Variants in EYA4 observed in about 807,000 individuals in gnomAD.
EYA4 encodes protein phosphatase EYA4.
Under a neutral mutation model 87.9 loss-of-function variants are expected in EYA4, and 31 were observed. That is an observed-to-expected ratio of 0.35 (90% CI 0.27 to 0.48). The LOEUF (loss-of-function observed/expected upper bound fraction) is 0.48. EYA4 is among the 20% of genes least tolerant of loss of function. The probability of loss-of-function intolerance (pLI) is 0.99; values close to 1 mark genes in which losing one functional copy is unlikely to be tolerated. For synonymous variants in EYA4, 263 were observed against 270.6 expected (o/e 0.97, Z 0.28); for missense variants, 678 against 761.4 (o/e 0.89, Z 1.29).
intron 2 of EYA4, among the ~76,000 whole-genome samples, chr6:133,283,342 A>G (rs2128284826): frequency 6.6e-6 from 1 of 152,230 alleles, no homozygotes; most frequent in Non-Finnish European, 1.5e-5. Context: ...AATTTTTATG[A>G]TAGAAATATA....
chr6:133,261,642 G>T (rs1370979611), intron 1 of EYA4, among the ~76,000 whole-genome samples: 1 of 152,144 alleles, frequency 6.6e-6, no homozygotes, highest in Non-Finnish European at 1.5e-5. Context: ...AATATAATTG[G>T]TTAATGTAGC....
chr6:133,269,712 A>G (rs1776530566), intron 1 of EYA4, among the ~76,000 whole-genome samples: 1 of 152,234 alleles, frequency 6.6e-6, no homozygotes, highest in African/African-American at 2.4e-5. Context: ...AAAACTGAGC[A>G]AAACATCTAC....
intron 3 of EYA4, among the ~76,000 whole-genome samples, chr6:133,416,962 C>T (rs1339180615): frequency 2.0e-5 from 3 of 152,190 alleles, no homozygotes; most frequent in African/African-American, 7.2e-5. Flanking sequence ...GTATGCCGAA[C>T]ACCTACTGCC....
At chr6:133,388,012 C>G (rs767486560) in intron 3 of EYA4, among the ~76,000 whole-genome samples, 2 of 152,122 alleles carry the variant, frequency 1.3e-5, no homozygotes, top group Non-Finnish European at 2.9e-5. Flanking sequence ...GATAGCTGAC[C>G]TATCTTGATC....
intron 13 of EYA4, among the ~76,000 whole-genome samples, chr6:133,500,760 A>C (rs149788830): frequency 6.6e-6 from 1 of 151,138 alleles, no homozygotes; most frequent in Non-Finnish European, 1.5e-5. Flanking sequence ...CCAGTTTCTC[A>C]CTCTCCTAGA....
chr6:133,490,593 T>C (rs1032897610), intron 13 of EYA4, among the ~76,000 whole-genome samples: 2 of 151,570 alleles, frequency 1.3e-5, no homozygotes, highest in African/African-American at 4.8e-5. Context: ...AAAAAAACTA[T>C]AAAAATTAGA....
intron 3 of EYA4, among the ~76,000 whole-genome samples, chr6:133,411,107 A>C (rs1789191393): frequency 6.6e-6 from 1 of 152,150 alleles, no homozygotes; most frequent in South Asian, 2.1e-4. Flanking sequence ...CAAGCAACAA[A>C]CGGTTTAACA....
At chr6:133,494,233 A>G (rs756919323) in intron 13 of EYA4, among the ~76,000 whole-genome samples, 7 of 152,240 alleles carry the variant, frequency 4.6e-5, no homozygotes, top group Non-Finnish European at 8.8e-5. Context: ...GTGGAGTACT[A>G]TTCAGCCATA....
At chr6:133,480,176 A>ATGTT (rs1454554269) in intron 11 of EYA4, among the ~76,000 whole-genome samples, 1 of 152,188 alleles carries the variant, frequency 6.6e-6, no homozygotes, top group Non-Finnish European at 1.5e-5. Context: ...ACAGGAGTCC[A>ATGTT]TGTTTTCTAG....
intron 2 of EYA4, among the ~76,000 whole-genome samples, chr6:133,351,625 C>T (rs904460066): frequency 6.6e-6 from 1 of 152,190 alleles, no homozygotes; most frequent in Non-Finnish European, 1.5e-5. Flanking sequence ...TCCCTTCTTT[C>T]CTGGATTACA....
intron 2 of EYA4, among the ~76,000 whole-genome samples, chr6:133,314,919 G>C (rs1449583447): frequency 6.6e-6 from 1 of 152,114 alleles, no homozygotes; most frequent in Admixed American, 6.6e-5. Context: ...CCAAACTCAG[G>C]AGCCACCTTG....
intron 13 of EYA4, among the ~76,000 whole-genome samples, chr6:133,497,753 G>A (rs1220473450): frequency 2.0e-5 from 3 of 152,160 alleles, no homozygotes; most frequent in Non-Finnish European, 4.4e-5. Context: ...TTGTGCTTTA[G>A]GGATTTGGTT....
At chr6:133,480,867 A>G (rs991385890) in intron 11 of EYA4, among the ~76,000 whole-genome samples, 4 of 152,180 alleles carry the variant, frequency 2.6e-5, no homozygotes, top group Non-Finnish European at 5.9e-5. Context: ...ATGGAAGCAA[A>G]TAGTATCTAG....
intron 13 of EYA4, among the ~76,000 whole-genome samples, chr6:133,497,689 T>C (rs1797755594): frequency 6.6e-6 from 1 of 152,212 alleles, no homozygotes; most frequent in Non-Finnish European, 1.5e-5. Flanking sequence ...TTTTACCTGA[T>C]AACTTGCAGT....
intron 3 of EYA4, among the ~76,000 whole-genome samples, chr6:133,411,821 T>C (rs549222508): frequency 7.8e-4 from 119 of 152,372 alleles, no homozygotes; most frequent in African/African-American, 2.7e-3. Flanking sequence ...TCTTCTCATA[T>C]TCCTGATTTT....
intron 1 of EYA4, among the ~76,000 whole-genome samples, chr6:133,255,187 AAATGCTG>A (rs2128236150): frequency 6.6e-6 from 1 of 152,336 alleles, no homozygotes; most frequent in East Asian, 1.9e-4. Flanking sequence ...TCTTGGAATA[AAATGCTG>A]AGTGTATTTG....
In EYA4 at chr6:133,481,572, C is replaced by G; in HGVS notation, c.1080C>G (p.Pro360=). 6.2e-7 allele frequency: 1 copy of G among 1,614,028 alleles called. No individual in the cohort carries two copies. The highest frequency in any genetic ancestry group is 1.1e-5 in the South Asian group (1 of 91,076). The change falls in exon 12 of 20, where the codon CCC becomes CCG. Residue 360 remains proline (P), a synonymous_variant. Transcript: ENST00000355286. ...KSRGRGRKNN[P]SPPPDSDLER... is the part of the protein sequence containing the mutation. ...GAGGAAGAGGCCGGAAAAATAATCC[C>G]TCCCCGCCTCCTGATAGTGACCTGG...
intron 2 of EYA4, among the ~76,000 whole-genome samples, chr6:133,300,045 C>T (rs550291568): frequency 3.5e-4 from 53 of 151,600 alleles, no homozygotes; most frequent in African/African-American, 9.9e-4. Flanking sequence ...ATAAACTGTT[C>T]GTTAACACAT....
At chr6:133,351,898 A>G (rs1040105116) in intron 2 of EYA4, among the ~76,000 whole-genome samples, 1 of 152,006 alleles carries the variant, frequency 6.6e-6, no homozygotes, top group Admixed American at 6.6e-5. Context: ...TTGTTCACCT[A>G]TACCTTCTTC....
Sources: allele counts gnomAD v4.1 joint callset (sites outside exome capture counted in the v4.1 genomes callset), GRCh38; gene constraint gnomAD v4.1.1; transcripts MANE v1.5; gene names NCBI Gene and HGNC (gene_info 2026-07-23, HGNC 2026-07-21).